NFIA: variants seen among roughly 807,000 people sequenced by gnomAD.
The protein encoded by NFIA is nuclear factor 1 A-type.
NFIA carries 8 observed loss-of-function variants against 62.8 expected under a neutral mutation model. The observed-to-expected ratio is 0.13, with a 90% confidence interval of 0.07 to 0.23. The LOEUF is 0.23. NFIA is among the 10% of genes least tolerant of loss of function. The probability of loss-of-function intolerance (pLI) is 1.00; values close to 1 mark genes in which losing one functional copy is unlikely to be tolerated. For synonymous variants in NFIA, 235 were observed against 238.1 expected (o/e 0.99, Z 0.12); for missense variants, 410 against 642.1 (o/e 0.64, Z 3.91).
intron 2 of NFIA, among the ~76,000 whole-genome samples, chr1:61,173,696 C>T (rs1378915162): frequency 6.6e-6 from 1 of 152,110 alleles, no homozygotes; most frequent in African/African-American, 2.4e-5. Flanking sequence ...GGCCCTAATT[C>T]CCCTTTATGT....
At chr1:61,262,109 T>C (rs1242196287) in intron 2 of NFIA, among the ~76,000 whole-genome samples, 5 of 152,216 alleles carry the variant, frequency 3.3e-5, no homozygotes, top group Non-Finnish European at 7.3e-5. Context: ...TTAATGTTGT[T>C]CTATACTCTC....
At position 61,088,693 on chromosome 1, in the gene NFIA, G is replaced by A. The variant is rs147156457; in HGVS notation, c.559+13G>A. On this transcript the variant is annotated intron_variant, in intron 2 of 10. Transcript: ENST00000403491. The surrounding 1 kb of genome is among the most constrained non-coding windows in gnomAD (Gnocchi z 4.5). ...GTGCATGCAGCAGGTAAGTGCGATG[G>A]TGAGAATTCCTCCCACTTTCTTGTG... 1.9e-6 allele frequency: 3 copies of A among 1,598,298 alleles called. No homozygotes were observed. The highest frequency in any genetic ancestry group is 4.5e-5 in the East Asian group (2 of 44,650).
At chr1:61,443,410 CACT>C (rs1667671902) in intron 10 of NFIA, among the ~76,000 whole-genome samples, 2 of 152,204 alleles carry the variant, frequency 1.3e-5, no homozygotes, top group East Asian at 3.8e-4. Flanking sequence ...ATTCACCACA[CACT>C]CCTAGTCCAT....
intron 2 of NFIA, among the ~76,000 whole-genome samples, chr1:61,165,054 A>G (rs1424108020): frequency 1.3e-5 from 2 of 152,220 alleles, no homozygotes; most frequent in Non-Finnish European, 2.9e-5. Flanking sequence ...ATTGCTAACA[A>G]TGTGCAAACT....
Position 61,404,109 on chromosome 1 carries a change from C to T in NFIA, c.1081C>T (p.Pro361Ser). 6.2e-7 allele frequency: 1 copy of T among 1,614,008 alleles called. No homozygotes were observed. Among genetic ancestry groups the T allele is most frequent in the South Asian group, 1.1e-5 (1 of 91,036 alleles). ...GATGTTTTCTTTTCCTGCAGCAAGT[C>T]CGCATGCAACACCATCGACTCTTCA... The part of the protein sequence containing the change: ...RPVITGPRAS[P>S]HATPSTLHFP... Residue 361 changes from proline (P) to serine (S), a missense_variant, in exon 8 of 11, where the codon CCG becomes TCG. By Grantham distance (74) the Pro-to-Ser change is moderately conservative. Transcript: ENST00000403491.
intron 2 of NFIA, among the ~76,000 whole-genome samples, chr1:61,153,408 T>A (rs1259850742): frequency 1.3e-5 from 2 of 152,222 alleles, no homozygotes; most frequent in African/African-American, 2.4e-5. Context: ...ACTGTAACTG[T>A]AATTCTCTAA....
At chr1:61,103,061 A>G (rs1445543807) in intron 2 of NFIA, among the ~76,000 whole-genome samples, 2 of 152,188 alleles carry the variant, frequency 1.3e-5, no homozygotes, top group Non-Finnish European at 1.5e-5. Flanking sequence ...AATAAGGGTA[A>G]GTGTATTTAG....
intron 2 of NFIA, among the ~76,000 whole-genome samples, chr1:61,225,533 G>A (rs906112222): frequency 6.7e-6 from 1 of 150,072 alleles, no homozygotes; most frequent in African/African-American, 2.5e-5. Flanking sequence ...ACAGCTGTGA[G>A]CCATCGCGCC....
intron 2 of NFIA, among the ~76,000 whole-genome samples, chr1:61,175,430 C>T (rs1338892339): frequency 6.6e-6 from 1 of 152,200 alleles, no homozygotes; most frequent in East Asian, 1.9e-4. Context: ...TCATGAGCCA[C>T]AGCGCCTGGC....
At chr1:61,384,970 G>A (rs1031210701) in intron 7 of NFIA, among the ~76,000 whole-genome samples, 3 of 152,088 alleles carry the variant, frequency 2.0e-5, no homozygotes, top group African/African-American at 4.8e-5. Context: ...AGTGGCTCAC[G>A]CCTGTAATCC....
intron 3 of NFIA, among the ~76,000 whole-genome samples, chr1:61,290,016 T>TC (rs1343664415): frequency 1.3e-5 from 2 of 149,688 alleles, no homozygotes; most frequent in African/African-American, 4.9e-5. Flanking sequence ...TAAGTTTCTT[T>TC]TTTTTTTTTT....
intron 2 of NFIA, among the ~76,000 whole-genome samples, chr1:61,174,427 A>G (rs1483885021): frequency 6.6e-6 from 1 of 152,168 alleles, no homozygotes; most frequent in Non-Finnish European, 1.5e-5. Context: ...CTTTTAATGG[A>G]AAGGTTGGGG....
intron 5 of NFIA, among the ~76,000 whole-genome samples, chr1:61,355,607 G>A (rs1251193987): frequency 6.0e-5 from 9 of 151,226 alleles, no homozygotes; most frequent in Admixed American, 4.0e-4. Context: ...CTCCAATAGA[G>A]ACAGAGTCTC....
intron 6 of NFIA, among the ~76,000 whole-genome samples, chr1:61,361,190 A>T (rs1663271769): frequency 6.6e-6 from 1 of 152,190 alleles, no homozygotes; most frequent in Non-Finnish European, 1.5e-5. Flanking sequence ...TATGAAGGTC[A>T]CACATCATCT....
intron 2 of NFIA, among the ~76,000 whole-genome samples, chr1:61,169,659 A>G: frequency 6.6e-6 from 1 of 152,212 alleles, no homozygotes; most frequent in Non-Finnish European, 1.5e-5. Context: ...ATTGTCAAAC[A>G]CTGTGTTACT....
At chr1:61,295,577 C>CT (rs1366317143) in intron 3 of NFIA, among the ~76,000 whole-genome samples, 2 of 152,030 alleles carry the variant, frequency 1.3e-5, no homozygotes, top group Non-Finnish European at 2.9e-5. Context: ...AAAGGGAGAC[C>CT]CTACCTTGAC....
intron 10 of NFIA, among the ~76,000 whole-genome samples, chr1:61,443,926 T>C (rs183918507): frequency 6.6e-6 from 1 of 152,334 alleles, no homozygotes; most frequent in East Asian, 1.9e-4. Flanking sequence ...CCCCTTCAAC[T>C]CTTCCTGCTT....
intron 2 of NFIA, among the ~76,000 whole-genome samples, chr1:61,248,598 G>A (rs761589963): frequency 6.6e-6 from 1 of 152,158 alleles, no homozygotes; most frequent in Non-Finnish European, 1.5e-5. Context: ...AATTAATGAA[G>A]GGGATTTAAA....
chr1:61,105,925 CT>C (rs1326228395), intron 2 of NFIA, among the ~76,000 whole-genome samples: 1 of 151,648 alleles, frequency 6.6e-6, no homozygotes, highest in East Asian at 1.9e-4. Flanking sequence ...TAAATTCATC[CT>C]TGACTGTCGT....
Sources: allele counts gnomAD v4.1 joint callset (sites outside exome capture counted in the v4.1 genomes callset), GRCh38; gene constraint gnomAD v4.1.1; non-coding constraint Gnocchi (gnomAD v3.1); transcripts MANE v1.5; gene names NCBI Gene and HGNC (gene_info 2026-07-23, HGNC 2026-07-21).